The following ETS1 variants were observed in gnomAD, a reference collection of about 807,000 sequenced individuals.
ETS1 encodes the protein ETS proto-oncogene 1, transcription factor.
In ETS1, 15 loss-of-function variants were observed where a neutral mutation model predicts 58.6. The ratio of observed to expected loss-of-function variants is 0.26; its 90% confidence interval spans 0.17 to 0.39. The LOEUF is 0.39. Among genes scored for constraint, ETS1 ranks in the 10% least tolerant of loss-of-function variants. ETS1 has a pLI of 1.00. For synonymous variants in ETS1, 214 were observed against 218.2 expected (o/e 0.98, Z 0.17); for missense variants, 417 against 610.5 (o/e 0.68, Z 3.34).
At chr11:128,490,428 C>T (rs545571917) in intron 4 of ETS1, 29 bp downstream of exon 4, 11 of 1,613,088 alleles carry the variant, frequency 6.8e-6, no homozygotes, top group African/African-American at 2.7e-5. Context: ...CTGACCCCAA[C>T]CACTCTTTTT....
intron 1 of ETS1, among the ~76,000 whole-genome samples, chr11:128,574,381 G>C (rs1002549026): frequency 1.3e-5 from 2 of 152,008 alleles, no homozygotes; most frequent in Admixed American, 6.5e-5. Flanking sequence ...ATTAACTAAG[G>C]GTCTGAATAG....
intron 1 of ETS1, among the ~76,000 whole-genome samples, chr11:128,574,593 T>C (rs1425674806): frequency 6.6e-6 from 1 of 152,132 alleles, no homozygotes; most frequent in Non-Finnish European, 1.5e-5. Flanking sequence ...TGAGTACCTA[T>C]GATGGGTCTG....
chr11:128,502,547 C>A (rs927929789), intron 3 of ETS1, among the ~76,000 whole-genome samples: 11 of 152,200 alleles, frequency 7.2e-5, no homozygotes, highest in Non-Finnish European at 1.0e-4. Flanking sequence ...CTCCTCATTT[C>A]TTTGGAGACA....
intron 2 of ETS1, among the ~76,000 whole-genome samples, chr11:128,561,307 T>C (rs894098832): frequency 1.3e-5 from 2 of 152,156 alleles, no homozygotes; most frequent in Admixed American, 1.3e-4. Context: ...TGGTGCTGAG[T>C]AGGACAGACA....
intron 3 of ETS1, among the ~76,000 whole-genome samples, chr11:128,528,380 A>C (rs568261992): frequency 5.1e-4 from 78 of 152,304 alleles, no homozygotes; most frequent in African/African-American, 1.8e-3. Flanking sequence ...ATCTAGGCAG[A>C]ATATAGAGTG....
intron 1 of ETS1, among the ~76,000 whole-genome samples, chr11:128,578,041 GT>G (rs1864788751): frequency 6.6e-6 from 1 of 152,110 alleles, no homozygotes; most frequent in South Asian, 2.1e-4. Context: ...GCTTATGTGG[GT>G]GTCTCATGTC....
chr11:128,462,343 C>T lies in ETS1; in HGVS notation c.*18G>A, dbSNP rs778425994. On this transcript the variant is annotated 3_prime_UTR_variant, in exon 10 of 10. Transcript: ENST00000392668. Reference sequence around the variant, plus strand: ...CTTGGAAGGTCTCAGCAGGGTTTCCCCAGCCCCTTCAGTGCCATCACTCGT... The same window carrying T: ...CTTGGAAGGTCTCAGCAGGGTTTCCTCAGCCCCTTCAGTGCCATCACTCGT... 6.9e-6 allele frequency: 11 copies of T among 1,598,234 alleles called. No individual in the cohort carries two copies. Among genetic ancestry groups the T allele is most frequent in the African/African-American group, 6.7e-5 (5 of 74,620 alleles).
chr11:128,580,233 C>T (rs950754174), intron 1 of ETS1, among the ~76,000 whole-genome samples: 1 of 149,732 alleles, frequency 6.7e-6, no homozygotes, highest in Non-Finnish European at 1.5e-5. Flanking sequence ...CTTGTGTGAC[C>T]CTGAGGTTAG....
At position 128,460,873 on chromosome 11, in the gene ETS1, C is replaced by A. The variant is rs1480475699; in HGVS notation, c.*1488G>T. On this transcript the variant is annotated 3_prime_UTR_variant, in exon 10 of 10. Coordinates refer to ENST00000392668, the MANE Select transcript of ETS1 (RefSeq NM_001143820.2). ...ACTTACCCTGTGCCAAGACATCAGA[C>A]CCAAGCAAGAGGCCCTGGCATCACC... The A allele has an allele frequency of 1.3e-5, 2 of 152,362 alleles. No individual in the cohort carries two copies. The highest frequency in any genetic ancestry group is 4.8e-5 in the African/African-American group (2 of 41,436). The allele number at this position is 152,362 out of a possible 1,614,324, so 9.4% of individuals were successfully genotyped here.
At chr11:128,526,904 T>C in intron 3 of ETS1, 1 of 456,012 alleles carries the variant, frequency 2.2e-6, no homozygotes, top group African/African-American at 2.0e-5. Context: ...GAAAAATGAG[T>C]GTGAGTGAGG....
chr11:128,552,675 G>C (rs1334376653), intron 3 of ETS1, among the ~76,000 whole-genome samples: 1 of 151,748 alleles, frequency 6.6e-6, no homozygotes, highest in Non-Finnish European at 1.5e-5. Context: ...AGCATCATAA[G>C]GGTGAAGTTG....
At chr11:128,507,609 G>T (rs1863277266) in intron 3 of ETS1, among the ~76,000 whole-genome samples, 1 of 152,200 alleles carries the variant, frequency 6.6e-6, no homozygotes, top group South Asian at 2.1e-4. Context: ...GAGGTGCATG[G>T]TTCCTGCAGA....
chr11:128,510,465 A>T (rs1863362314), intron 3 of ETS1, among the ~76,000 whole-genome samples: 1 of 152,214 alleles, frequency 6.6e-6, no homozygotes, highest in Non-Finnish European at 1.5e-5. Flanking sequence ...AGTTAACAGC[A>T]GAGAAAATAT....
At chr11:128,470,549 C>G (rs1338775418) in intron 8 of ETS1, among the ~76,000 whole-genome samples, 1 of 151,544 alleles carries the variant, frequency 6.6e-6, no homozygotes, top group African/African-American at 2.4e-5. Flanking sequence ...TATATATAGA[C>G]AGAGAGAGAG....
intron 3 of ETS1, among the ~76,000 whole-genome samples, chr11:128,496,009 G>A (rs1005519099): frequency 2.0e-5 from 3 of 151,794 alleles, no homozygotes; most frequent in African/African-American, 4.8e-5. Flanking sequence ...ATACACACAC[G>A]CAGAAGAATT....
At chr11:128,521,941 T>C in intron 3 of ETS1, 2 of 1,605,852 alleles carry the variant, frequency 1.2e-6, no homozygotes, top group Admixed American at 1.7e-5. Flanking sequence ...CCAGATCGAC[T>C]TTTTCCGTCT....
chr11:128,489,246 C>A (rs1862728596), intron 5 of ETS1, 44 bp downstream of exon 5: 2 of 1,571,048 alleles, frequency 1.3e-6, no homozygotes, highest in Non-Finnish European at 1.8e-6. Context: ...ACTCTCACAG[C>A]AACCCCACAT....
At chr11:128,538,525 G>A (rs886703323) in intron 3 of ETS1, among the ~76,000 whole-genome samples, 9 of 152,162 alleles carry the variant, frequency 5.9e-5, no homozygotes, top group Admixed American at 1.3e-4. Context: ...CAAATCTGGG[G>A]TCTGTCACTC....
At chr11:128,507,137 C>A (rs111452544) in intron 3 of ETS1, among the ~76,000 whole-genome samples, 1 of 152,048 alleles carries the variant, frequency 6.6e-6, no homozygotes, top group African/African-American at 2.4e-5. Flanking sequence ...TTGGGAAATT[C>A]TTTTCCAAAA....
Sources: allele counts gnomAD v4.1 joint callset (sites outside exome capture counted in the v4.1 genomes callset), GRCh38; gene constraint gnomAD v4.1.1; transcripts MANE v1.5; gene names NCBI Gene and HGNC (gene_info 2026-07-23, HGNC 2026-07-21).